Variants in TANGO6 observed in about 807,000 individuals in gnomAD.
The protein encoded by TANGO6 is transport and golgi organization 6 homolog.
In TANGO6, 90 loss-of-function variants were observed where a neutral mutation model predicts 114.2. That is an observed-to-expected ratio of 0.79 (90% confidence interval 0.66 to 0.94). TANGO6 has a LOEUF of 0.94. Among genes scored for constraint, TANGO6 ranks in the 40% least tolerant of loss-of-function variants. TANGO6 has a pLI of 0.00. For missense variants in TANGO6, 1,274 were observed against 1,315.3 expected, an observed-to-expected ratio of 0.97 and a Z score of 0.49; for synonymous variants, 477 against 509.8, an observed-to-expected ratio of 0.94 and a Z score of 0.87.
chr16:68,990,096 C>T (rs1963934099), intron 15 of TANGO6, among the ~76,000 whole-genome samples: 1 of 152,008 alleles, frequency 6.6e-6, no homozygotes. Context: ...TGCAGTGGTG[C>T]GATCACAGCT....
intron 12 of TANGO6, among the ~76,000 whole-genome samples, chr16:68,921,610 T>TG (rs1210131811): frequency 5.3e-4 from 78 of 146,126 alleles, no homozygotes; most frequent in Non-Finnish European, 7.1e-4. Context: ...GAGTGTGCTT[T>TG]TTTTTTTTTT....
At chr16:68,975,796 A>G (rs1046742082) in intron 15 of TANGO6, among the ~76,000 whole-genome samples, 7 of 150,764 alleles carry the variant, frequency 4.6e-5, no homozygotes, top group Non-Finnish European at 3.0e-5. Context: ...GGCTCAAGCA[A>G]TCCTCCTGTC....
chr16:68,846,154 T>C (rs142508071), intron 1 of TANGO6, among the ~76,000 whole-genome samples: 35 of 152,068 alleles, frequency 2.3e-4, no homozygotes, highest in African/African-American at 8.0e-4. Flanking sequence ...GCCTCCCGAG[T>C]AGCTGGGATT....
At chr16:68,904,087 A>G (rs1962818543) in intron 9 of TANGO6, among the ~76,000 whole-genome samples, 1 of 151,968 alleles carries the variant, frequency 6.6e-6, no homozygotes, top group Admixed American at 6.6e-5. Flanking sequence ...TCTTAAGATA[A>G]TTGTCATGTG....
At chr16:68,866,225 CAGA>C (rs746875280) in intron 3 of TANGO6, among the ~76,000 whole-genome samples, 1 of 151,036 alleles carries the variant, frequency 6.6e-6, no homozygotes, top group African/African-American at 2.4e-5. Flanking sequence ...AAAAGTAATG[CAGA>C]AGAAGGTTTT....
At chr16:68,890,692 C>A (rs1039303170) in intron 7 of TANGO6, among the ~76,000 whole-genome samples, 4 of 152,082 alleles carry the variant, frequency 2.6e-5, no homozygotes, top group African/African-American at 9.7e-5. Flanking sequence ...CAAGACCAGC[C>A]TGGCCAATAT....
chr16:68,901,984 T>G (rs1261461940), intron 8 of TANGO6, among the ~76,000 whole-genome samples: 1 of 151,860 alleles, frequency 6.6e-6, no homozygotes, highest in Non-Finnish European at 1.5e-5. Flanking sequence ...GAGTAGATGA[T>G]TTTTATCCGT....
Position 68,928,066 on chromosome 16 carries a change from C to A in TANGO6, c.2626C>A (p.Gln876Lys). 6.3e-7 allele frequency: 1 copy of A among 1,585,446 alleles called. No individual in the cohort carries two copies. Among genetic ancestry groups the A allele is most frequent in the Non-Finnish European group, 8.6e-7 (1 of 1,165,438 alleles). The part of the protein sequence containing the change: ...EQREAKALEM[Q>K]EKLLKIFLEN... Reference sequence around the variant, plus strand: ...GAGAGAAGCAAAAGCCCTTGAGATGCAAGAGAAGCTTCTCAAGGTGAGTAG... The same window carrying A: ...GAGAGAAGCAAAAGCCCTTGAGATGAAAGAGAAGCTTCTCAAGGTGAGTAG... The change falls in exon 13 of 18, where the codon CAA becomes AAA. Residue 876 changes from glutamine (Q) to lysine (K), a missense_variant. Coordinates refer to ENST00000261778, the MANE Select transcript of TANGO6 (RefSeq NM_024562.2).
At chr16:68,872,250 C>T (rs1167867634) in intron 4 of TANGO6, among the ~76,000 whole-genome samples, 1 of 151,368 alleles carries the variant, frequency 6.6e-6, no homozygotes, top group East Asian at 2.0e-4. Context: ...TCTTAATGGT[C>T]TTGTCTTCTA....
intron 15 of TANGO6, among the ~76,000 whole-genome samples, chr16:68,976,953 G>A (rs539443422): frequency 6.6e-6 from 1 of 152,254 alleles, no homozygotes; most frequent in South Asian, 2.1e-4. Flanking sequence ...ATTATCTAAG[G>A]CAGAAAAAGA....
At chr16:68,989,430 C>T (rs1277504305) in intron 15 of TANGO6, among the ~76,000 whole-genome samples, 3 of 151,416 alleles carry the variant, frequency 2.0e-5, no homozygotes, top group South Asian at 4.2e-4. Flanking sequence ...ATTTTATTTT[C>T]GATATTGTAT....
intron 7 of TANGO6, among the ~76,000 whole-genome samples, chr16:68,891,904 GAGGA>G (rs1293492589): frequency 7.0e-6 from 1 of 141,942 alleles, no homozygotes. Context: ...GGGAGGGAGA[GAGGA>G]AGGAAGGAAG....
chr16:69,043,283 AGTGTGTGTGTGTGTGTGTGT>A (rs57443398), intron 17 of TANGO6, among the ~76,000 whole-genome samples: 3 of 146,752 alleles, frequency 2.0e-5, no homozygotes, highest in South Asian at 2.2e-4. Flanking sequence ...AGACAGAGCG[AGTGTGTGTGTGTGTGTGTGT>A]GTGTGTGTGT....
intron 7 of TANGO6, among the ~76,000 whole-genome samples, chr16:68,899,124 A>G (rs1171693896): frequency 3.3e-5 from 5 of 151,960 alleles, no homozygotes; most frequent in African/African-American, 1.2e-4. Context: ...AATACAAAAC[A>G]TTAGCCATGC....
chr16:68,984,653 C>G (rs1025238736), intron 15 of TANGO6, among the ~76,000 whole-genome samples: 2 of 152,024 alleles, frequency 1.3e-5, no homozygotes, highest in African/African-American at 4.8e-5. Context: ...TCCCGAGTAG[C>G]TAGGACTGTA....
intron 15 of TANGO6, among the ~76,000 whole-genome samples, chr16:69,006,795 A>G (rs1202077075): frequency 6.6e-6 from 1 of 152,148 alleles, no homozygotes; most frequent in Non-Finnish European, 1.5e-5. Context: ...AATAGAATTC[A>G]TATACCATAT....
chr16:69,061,748 G>A (rs112329462), intron 17 of TANGO6, among the ~76,000 whole-genome samples: 11 of 150,786 alleles, frequency 7.3e-5, no homozygotes, highest in African/African-American at 2.7e-4. Flanking sequence ...CCGGGCGCGC[G>A]GTGGCTCACG....
chr16:68,919,257 AGGG>A, intron 12 of TANGO6, 38 bp downstream of exon 12: 1 of 1,603,006 alleles, frequency 6.2e-7, no homozygotes, highest in Non-Finnish European at 8.5e-7. Flanking sequence ...AATGGAGGGA[AGGG>A]AGAAGCGAAA....
At chr16:69,023,103 G>GT in intron 16 of TANGO6, 124 bp downstream of exon 16, 2 of 1,028,058 alleles carry the variant, frequency 1.9e-6, no homozygotes, top group Non-Finnish European at 2.7e-6. Flanking sequence ...CTGTGAGACA[G>GT]GGCAAGTGAG....
Sources: gnomAD v4.1 joint callset for allele counts (sites outside exome capture counted in the v4.1 genomes callset) on GRCh38, gnomAD v4.1.1 for gene constraint, MANE v1.5 for transcripts, NCBI Gene and HGNC (gene_info 2026-07-23, HGNC 2026-07-21) for gene names.